The following ILKAP variants were observed in gnomAD, a reference collection of about 807,000 sequenced individuals.
ILKAP encodes the protein ILK associated serine/threonine phosphatase.
A neutral mutation model predicts 49.1 loss-of-function variants in ILKAP; 11 were observed. That is an observed-to-expected ratio of 0.22 (90% confidence interval 0.14 to 0.37). The LOEUF (loss-of-function observed/expected upper bound fraction) is 0.37. Ranked by LOEUF, ILKAP falls within the 10% of genes least tolerant of loss-of-function variation. The pLI, the probability that ILKAP is intolerant of heterozygous loss-of-function variation, is 1.00. For synonymous variants in ILKAP, 186 were observed against 192.8 expected (o/e 0.96, Z 0.29); for missense variants, 363 against 510.8 (o/e 0.71, Z 2.79).
Position 238,193,501 on chromosome 2 carries a change from G to A in ILKAP, c.178+774C>T, listed in dbSNP as rs533402228. ...TTCCCAAAGTGCTGGGATTATAGGC[G>A]TGAGCCACCACGCCCAGCCAGAACA... On this transcript the variant is annotated intron_variant, in intron 3 of 11. Coordinates refer to ENST00000254654, the MANE Select transcript of ILKAP (RefSeq NM_030768.3). Among the ~76,000 whole-genome samples, 24 of 152,340 alleles carry A rather than the reference G, an allele frequency of 1.6e-4. No homozygotes were observed. The East Asian group carries it at 3.7e-3, about 23-fold the overall frequency.
rs563963597 is a variant in ILKAP at position 238,182,004 on chromosome 2, C to T, written c.836+61G>A. 279 of 1,594,228 alleles carry T rather than the reference C, an allele frequency of 1.8e-4. No individual in the cohort carries two copies. In the African/African-American group the frequency reaches 2.8e-3, roughly 16 times the overall value. On this transcript the variant is annotated intron_variant, in intron 9 of 11. Coordinates refer to ENST00000254654, the MANE Select transcript of ILKAP (RefSeq NM_030768.3). ...GGGAAGTTCTACTCCTTGAAGGTCT[C>T]GGGACCCTTCTACAGCTAACAGCCC...
chr2:238,188,227 T>A lies in ILKAP; in HGVS notation c.329A>T (p.Tyr110Phe). 6.2e-7 allele frequency: 1 copy of A among 1,613,992 alleles called. No individual in the cohort carries two copies. The highest frequency in any genetic ancestry group is 8.5e-7 in the Non-Finnish European group (1 of 1,180,014). ...CCTCTCACCCTTCCGCTCAGCCACA[T>A]AGCCCTTCAGACCAAAGATCACCGA... ...ASSVIFGLKGYVAERKGEREE... is the reference protein window; with the variant it reads ...ASSVIFGLKGFVAERKGEREE... The change falls in exon 5 of 12, where the codon TAT becomes TTT. Residue 110 changes from tyrosine (Y) to phenylalanine (F), a missense_variant. Physicochemically the swap from Tyr to Phe is conservative, Grantham distance 22. Around this residue, in one of 3 missense-constraint regions of ILKAP, gnomAD observed 166 missense variants for 307.3 expected, o/e 0.54. Coordinates refer to ENST00000254654, the MANE Select transcript of ILKAP (RefSeq NM_030768.3).
At chr2:238,197,484 A>C (rs1394021817) in intron 1 of ILKAP, among the ~76,000 whole-genome samples, 4 of 152,092 alleles carry the variant, frequency 2.6e-5, no homozygotes, top group Non-Finnish European at 1.5e-5. Context: ...TCATATTTTA[A>C]CTTTTGAATT....
chr2:238,192,474 C>T (rs1694172977), intron 3 of ILKAP, among the ~76,000 whole-genome samples: 1 of 151,914 alleles, frequency 6.6e-6, no homozygotes, highest in African/African-American at 2.4e-5. Flanking sequence ...CCGAGGCAGG[C>T]GGATCACGAA....
At chr2:238,178,587 T>C (rs1693564562) in intron 9 of ILKAP, among the ~76,000 whole-genome samples, 1 of 152,198 alleles carries the variant, frequency 6.6e-6, no homozygotes, top group Admixed American at 6.5e-5. Flanking sequence ...GCTACAAATA[T>C]TAAACCAAAG....
At chr2:238,188,977 G>A (rs1458103745) in intron 4 of ILKAP, among the ~76,000 whole-genome samples, 1 of 152,148 alleles carries the variant, frequency 6.6e-6, no homozygotes, top group Non-Finnish European at 1.5e-5. Flanking sequence ...GCATCATACA[G>A]CTTTCACTGA....
At chr2:238,189,177 G>A (rs988043705) in intron 4 of ILKAP, among the ~76,000 whole-genome samples, 6 of 152,160 alleles carry the variant, frequency 3.9e-5, no homozygotes, top group African/African-American at 7.2e-5. Flanking sequence ...AACTAGCCAG[G>A]CGTGGTGGCA....
intron 8 of ILKAP, among the ~76,000 whole-genome samples, chr2:238,183,445 CG>C (rs1693776895): frequency 6.6e-6 from 1 of 152,160 alleles, no homozygotes; most frequent in Non-Finnish European, 1.5e-5. Flanking sequence ...TATCATAGGG[CG>C]TAAGTTCCCC....
rs760989167 is a variant in ILKAP, at chr2:238,188,263, G to A, written c.299-6C>T. The A allele has an allele frequency of 6.2e-7, 1 of 1,612,940 alleles. No individual in the cohort carries two copies. Among genetic ancestry groups the A allele is most frequent in the Admixed American group, 1.7e-5 (1 of 59,836 alleles). ...ACCAAAGATCACCGAAGAGGCTAAG[G>A]AAAAGAGAACAAAAGAGCCAATACA... On this transcript the variant is annotated splice_region_variant and splice_polypyrimidine_tract_variant and intron_variant, in intron 4 of 11. Transcript: ENST00000254654.
At chr2:238,195,727 C>T (rs953440464) in intron 1 of ILKAP, among the ~76,000 whole-genome samples, 4 of 152,130 alleles carry the variant, frequency 2.6e-5, no homozygotes, top group African/African-American at 9.7e-5. Flanking sequence ...ACCTCTTGCT[C>T]CTCAGAGTTC....
chr2:238,191,906 A>C (rs1694141348), intron 3 of ILKAP, among the ~76,000 whole-genome samples: 1 of 147,086 alleles, frequency 6.8e-6, no homozygotes, highest in South Asian at 2.1e-4. Context: ...CTCCATCTCA[A>C]AAAAAAAAAA....
intron 9 of ILKAP, among the ~76,000 whole-genome samples, chr2:238,175,954 C>T (rs1045546405): frequency 1.3e-5 from 2 of 151,790 alleles, no homozygotes; most frequent in Non-Finnish European, 2.9e-5. Context: ...ATACTCTATC[C>T]ACATCCATTT....
At chr2:238,182,542 G>A (rs1693740562) in intron 8 of ILKAP, among the ~76,000 whole-genome samples, 1 of 152,244 alleles carries the variant, frequency 6.6e-6, no homozygotes, top group South Asian at 2.1e-4. Context: ...CCAGAGACAT[G>A]TCCATGAGCC....
intron 1 of ILKAP, 89 bp downstream of exon 1, chr2:238,203,410 G>T (rs1312809262): frequency 4.1e-5 from 23 of 562,620 alleles, no homozygotes; most frequent in African/African-American, 6.1e-5. Flanking sequence ...CTCCCAGCGC[G>T]GGCGCCGCCT....
chr2:238,203,426 G>T, intron 1 of ILKAP, 73 bp downstream of exon 1: 3 of 799,880 alleles, frequency 3.8e-6, no homozygotes, highest in Non-Finnish European at 4.7e-6. Flanking sequence ...CGCCTCAGCC[G>T]CCCCGGGCCT....
chr2:238,195,915 C>A (rs148801863), intron 1 of ILKAP, among the ~76,000 whole-genome samples: 3 of 151,276 alleles, frequency 2.0e-5, no homozygotes, highest in Non-Finnish European at 4.4e-5. Flanking sequence ...TGGTGGCAGG[C>A]GCCTGTAGTC....
In ILKAP at chr2:238,185,335, C is replaced by T. The variant is rs770602283; in HGVS notation, c.426-48G>A. 6 of 1,206,186 alleles carry T rather than the reference C, an allele frequency of 5.0e-6. No individual in the cohort carries two copies. The South Asian group carries it at 6.2e-5, about 13-fold the overall frequency. The allele number at this position is 1,206,186 out of a possible 1,614,324, so 74.7% of individuals were successfully genotyped here. Reference sequence around the variant, plus strand: ...AATCAAATTCTCACAGCAAAAACCACACTTTTCCATTAAAGCTTTTAAATT... The same window carrying T: ...AATCAAATTCTCACAGCAAAAACCATACTTTTCCATTAAAGCTTTTAAATT... On this transcript the variant is annotated intron_variant, in intron 5 of 11. Transcript: ENST00000254654.
chr2:238,182,228 C>T (rs750077108), intron 8 of ILKAP, 42 bp from the exon 9 acceptor site: 12 of 1,608,094 alleles, frequency 7.5e-6, no homozygotes, highest in Middle Eastern at 1.7e-4. Context: ...ATTCAGTGGG[C>T]GCAGCATCTA....
rs1693723894 is a variant in ILKAP at position 238,182,204 on chromosome 2, G to T, written c.715-18C>A. The T allele has an allele frequency of 3.7e-6, 6 of 1,612,308 alleles. No individual in the cohort carries two copies. The East Asian group carries it at 1.1e-4, about 30-fold the overall frequency. On this transcript the variant is annotated intron_variant, in intron 8 of 11. Transcript: ENST00000254654. ...AAGATTGCCTGGGAAGATGGAGATT[G>T]TAATAGTCATGAAATTCAGTGGGCG...
Sources: allele counts gnomAD v4.1 joint callset (sites outside exome capture counted in the v4.1 genomes callset), GRCh38; gene constraint gnomAD v4.1.1; regional missense constraint gnomAD v4.1.1; transcripts MANE v1.5; gene names NCBI Gene and HGNC (gene_info 2026-07-23, HGNC 2026-07-21).